The following EFCAB11 variants were observed in gnomAD, a reference collection of about 807,000 sequenced individuals.
EFCAB11 encodes the protein EF-hand calcium binding domain 11.
A neutral mutation model predicts 23.0 loss-of-function variants in EFCAB11; 14 were observed. The observed-to-expected ratio is 0.61, with a 90% CI of 0.40 to 0.95. The LOEUF is 0.95. Ranked by LOEUF, EFCAB11 falls within the 40% of genes least tolerant of loss-of-function variation. The pLI is 0.00. For synonymous variants in EFCAB11, 65 were observed against 66.6 expected, an observed-to-expected ratio of 0.98 and a Z score of 0.11; for missense variants, 198 against 195.8, an observed-to-expected ratio of 1.01 and a Z score of -0.07.
chr14:89,924,374 C>A, intron 5 of EFCAB11: 2 of 1,174,116 alleles, frequency 1.7e-6, no homozygotes, highest in Middle Eastern at 3.6e-4. Context: ...TGCCTGTGCA[C>A]TCAGGATCTT....
At chr14:89,889,281 C>A (rs968751952) in intron 5 of EFCAB11, among the ~76,000 whole-genome samples, 2 of 152,044 alleles carry the variant, frequency 1.3e-5, no homozygotes, top group African/African-American at 4.8e-5. Context: ...TTCAAAAAAA[C>A]CCAAATAAAG....
intron 5 of EFCAB11, among the ~76,000 whole-genome samples, chr14:89,849,519 C>G (rs1159009994): frequency 6.6e-6 from 1 of 150,884 alleles, no homozygotes; most frequent in African/African-American, 2.4e-5. Flanking sequence ...CAGTGGTTTT[C>G]TAAATGTGAG....
At position 89,870,769 on chromosome 14, in the gene EFCAB11, A is replaced by T. The variant is rs1224302696; in HGVS notation, c.410+60772T>A. 3.3e-3 allele frequency among the ~76,000 whole-genome samples: 5 copies of T among 1,500 alleles called. No homozygotes were observed. The Admixed American group carries it at 0.035, about 10-fold the overall frequency. 1.0% of individuals were successfully genotyped at this position (1,500 alleles called of 152,430 possible). On this transcript the variant is annotated intron_variant, in intron 5 of 5. Transcript: ENST00000316738. ...ATATGGTGACACCTCATCTCTACTA[A>T]AAAAAAAAAAAAAAAAAAAAAATTA... is the stretch of plus-strand genomic sequence containing the variant.
intron 5 of EFCAB11, among the ~76,000 whole-genome samples, chr14:89,825,513 T>C (rs1289164407): frequency 2.0e-5 from 3 of 151,938 alleles, no homozygotes; most frequent in East Asian, 1.9e-4. Flanking sequence ...GAAAAAATCA[T>C]AGAGAAAATA....
chr14:89,954,007 G>T lies in EFCAB11; in HGVS notation c.76-6C>A. On this transcript the variant is annotated splice_region_variant and splice_polypyrimidine_tract_variant and intron_variant, in intron 1 of 5. Coordinates refer to ENST00000316738, the MANE Select transcript of EFCAB11 (RefSeq NM_145231.4). The stretch of plus-strand genomic sequence containing the variant: ...TCATCACATGCTTTAAATACCTGAA[G>T]AACATTAAATAGCTTTAGTTAATGA... 1 of 1,608,396 alleles carries T rather than the reference G, an allele frequency of 6.2e-7. No homozygotes were observed. The highest frequency in any genetic ancestry group is 8.5e-7 in the Non-Finnish European group (1 of 1,176,442).
chr14:89,911,187 G>A (rs887039549), intron 5 of EFCAB11, among the ~76,000 whole-genome samples: 4 of 152,160 alleles, frequency 2.6e-5, no homozygotes, highest in Admixed American at 2.0e-4. Context: ...AAAGAACTTC[G>A]CAAAGCAAAA....
At chr14:89,799,841 G>T (rs763401698) in intron 5 of EFCAB11, among the ~76,000 whole-genome samples, 58 of 152,240 alleles carry the variant, frequency 3.8e-4, no homozygotes, top group Middle Eastern at 3.4e-3. Flanking sequence ...CTCCCAGGAG[G>T]TACTAGGGAA....
rs150204110 is a variant in EFCAB11, at chr14:89,818,701, G to C, written c.411-21377C>G. 8.9e-3 allele frequency among the ~76,000 whole-genome samples: 1,347 copies of C among 152,154 alleles called. 21 individuals carry two copies. Among genetic ancestry groups the C allele is most frequent in the African/African-American group, 0.031 (1,293 of 41,520 alleles). ...AACTCAATAATAAAGCAAATACCAC[G>C]TAAAAAATAGGTGAGAGATTTGAAC... is the stretch of plus-strand genomic sequence containing the variant. On this transcript the variant is annotated intron_variant, in intron 5 of 5. Transcript: ENST00000316738.
At chr14:89,946,387 C>T (rs1253505969) in intron 3 of EFCAB11, among the ~76,000 whole-genome samples, 2 of 152,088 alleles carry the variant, frequency 1.3e-5, no homozygotes, top group East Asian at 3.9e-4. Flanking sequence ...TTAAAGTGGG[C>T]TTCTAGGCAA....
intron 5 of EFCAB11, among the ~76,000 whole-genome samples, chr14:89,803,816 T>C (rs1885870652): frequency 6.6e-6 from 1 of 152,252 alleles, no homozygotes. Flanking sequence ...CCGCTGCTTC[T>C]TCCCACTGGC....
intron 3 of EFCAB11, among the ~76,000 whole-genome samples, chr14:89,949,661 C>G (rs1180012507): frequency 6.6e-6 from 1 of 152,300 alleles, no homozygotes; most frequent in East Asian, 1.9e-4. Flanking sequence ...CCACTGCACC[C>G]AGCCTAGTTT....
chr14:89,887,878 T>G (rs1056368985), intron 5 of EFCAB11, among the ~76,000 whole-genome samples: 2 of 152,226 alleles, frequency 1.3e-5, no homozygotes, highest in Admixed American at 1.3e-4. Flanking sequence ...AGCTATAATA[T>G]ATTTTCTTGG....
chr14:89,804,349 G>C (rs1457754463), intron 5 of EFCAB11, among the ~76,000 whole-genome samples: 1 of 152,196 alleles, frequency 6.6e-6, no homozygotes, highest in East Asian at 1.9e-4. Flanking sequence ...ACGAATTATT[G>C]AATCAATGTA....
At chr14:89,869,114 G>T (rs938095475) in intron 5 of EFCAB11, among the ~76,000 whole-genome samples, 1 of 152,134 alleles carries the variant, frequency 6.6e-6, no homozygotes, top group African/African-American at 2.4e-5. Flanking sequence ...GAAGCAGGAA[G>T]ATCACTTGAG....
intron 5 of EFCAB11, among the ~76,000 whole-genome samples, chr14:89,886,292 T>A (rs1175816378): frequency 2.0e-5 from 3 of 151,924 alleles, no homozygotes; most frequent in Non-Finnish European, 4.4e-5. Context: ...CCAAGGCTGG[T>A]GGATCACGAG....
chr14:89,933,830 A>G (rs1365677195), intron 3 of EFCAB11, among the ~76,000 whole-genome samples: 2 of 152,250 alleles, frequency 1.3e-5, no homozygotes, highest in Admixed American at 1.3e-4. Context: ...AAAGATTCAC[A>G]GGAATCCTCA....
At chr14:89,837,179 A>G (rs1181794168) in intron 5 of EFCAB11, 1 of 454,434 alleles carries the variant, frequency 2.2e-6, no homozygotes, top group Admixed American at 2.4e-5. Context: ...TACACTATTT[A>G]TTTAAACCAC....
chr14:89,939,502 G>A (rs2139825107), intron 3 of EFCAB11, among the ~76,000 whole-genome samples: 1 of 152,280 alleles, frequency 6.6e-6, no homozygotes, highest in Admixed American at 6.5e-5. Flanking sequence ...AACAGGAGCA[G>A]GAGGCGGGGC....
intron 5 of EFCAB11, among the ~76,000 whole-genome samples, chr14:89,818,499 A>C (rs891437448): frequency 3.3e-5 from 5 of 152,160 alleles, no homozygotes; most frequent in African/African-American, 1.2e-4. Flanking sequence ...AAAGAAGAAA[A>C]GATTAGGTTT....
Sources: gnomAD v4.1 joint callset for allele counts (sites outside exome capture counted in the v4.1 genomes callset) on GRCh38, gnomAD v4.1.1 for gene constraint, MANE v1.5 for transcripts, NCBI Gene and HGNC (gene_info 2026-07-23, HGNC 2026-07-21) for gene names.